ELF1: variants seen among roughly 807,000 people sequenced by gnomAD.
ELF1 encodes E74 like ETS transcription factor 1.
Under a neutral mutation model 59.9 loss-of-function variants are expected in ELF1, and 24 were observed. The observed-to-expected ratio is 0.40, with a 90% CI of 0.29 to 0.56. The LOEUF is 0.56. Ranked by LOEUF, ELF1 falls within the 20% of genes least tolerant of loss-of-function variation. ELF1 has a pLI of 0.44. For synonymous variants in ELF1, 248 were observed against 266.2 expected, an observed-to-expected ratio of 0.93 and a Z score of 0.67; for missense variants, 627 against 742.2, an observed-to-expected ratio of 0.84 and a Z score of 1.80.
At chr13:40,989,915 T>C (rs1873753665) in intron 1 of ELF1, among the ~76,000 whole-genome samples, 2 of 152,220 alleles carry the variant, frequency 1.3e-5, no homozygotes, top group South Asian at 2.1e-4. Context: ...GAGTATCCAC[T>C]GTTATTCTGG....
At chr13:40,989,379 T>C (rs1037164355) in intron 1 of ELF1, among the ~76,000 whole-genome samples, 1 of 152,206 alleles carries the variant, frequency 6.6e-6, no homozygotes. Context: ...AATGTTTCTA[T>C]ACCCCAACTG....
At chr13:40,993,205 A>G (rs972992864) in intron 1 of ELF1, 2 of 1,533,400 alleles carry the variant, frequency 1.3e-6, no homozygotes, top group Non-Finnish European at 1.8e-6. Context: ...TTCATTCCTA[A>G]CAGTGAGGCA....
chr13:40,992,284 C>T (rs542597234), intron 1 of ELF1, among the ~76,000 whole-genome samples: 1 of 152,184 alleles, frequency 6.6e-6, no homozygotes, highest in Non-Finnish European at 1.5e-5. Context: ...TTTTACACTA[C>T]GCTCCCTAAG....
intron 1 of ELF1, among the ~76,000 whole-genome samples, chr13:41,047,485 T>C (rs925369008): frequency 1.1e-4 from 16 of 152,334 alleles, no homozygotes; most frequent in Middle Eastern, 3.4e-3. Context: ...TTTGTTAGTT[T>C]TCCTTCTAAG....
rs760670612 is a variant in ELF1 at position 40,961,861 on chromosome 13, A to T, written c.73-2845T>A. 3.9e-4 allele frequency among the ~76,000 whole-genome samples: 60 copies of T among 152,254 alleles called. 1 individual carries two copies. The highest frequency in any genetic ancestry group is 1.4e-3 in the South Asian group (7 of 4,836). ...TCATCACTTCATCCACTGATAAGTC[A>T]GAGACAGGCGTGTAAAATGCAATTC... On this transcript the variant is annotated intron_variant, in intron 2 of 8. Coordinates refer to ENST00000239882, the MANE Select transcript of ELF1 (RefSeq NM_172373.4).
intron 2 of ELF1, among the ~76,000 whole-genome samples, chr13:40,980,865 A>G (rs553941078): frequency 6.6e-6 from 1 of 152,264 alleles, no homozygotes; most frequent in East Asian, 1.9e-4. Flanking sequence ...ATTTTTAATC[A>G]AGACTAAGCA....
intron 8 of ELF1, among the ~76,000 whole-genome samples, chr13:40,940,418 A>AAAAAC (rs878999576): frequency 2.8e-5 from 4 of 140,580 alleles, no homozygotes; most frequent in African/African-American, 1.1e-4. Context: ...AAAAAAAAAA[A>AAAAAC]CAAACCTACT....
At chr13:41,055,266 A>C (rs1181176491) in intron 1 of ELF1, among the ~76,000 whole-genome samples, 2 of 152,022 alleles carry the variant, frequency 1.3e-5, no homozygotes, top group African/African-American at 4.8e-5. Flanking sequence ...TACAGACCCT[A>C]ATCTATTTTC....
intron 1 of ELF1, among the ~76,000 whole-genome samples, chr13:40,989,248 G>C (rs527923654): frequency 1.3e-5 from 2 of 152,152 alleles, no homozygotes; most frequent in Non-Finnish European, 2.9e-5. Flanking sequence ...TACTTTCTCA[G>C]CTCCTGCTTT....
At chr13:41,055,198 G>A (rs1005474258) in intron 1 of ELF1, among the ~76,000 whole-genome samples, 2 of 152,048 alleles carry the variant, frequency 1.3e-5, no homozygotes, top group Non-Finnish European at 2.9e-5. Flanking sequence ...TTCTTCCTAA[G>A]TATGAGCCAT....
In ELF1 at chr13:40,933,796, T is replaced by C. The variant is rs777083535; in HGVS notation, c.1489A>G (p.Ile497Val). Reference protein sequence around the residue: ...QSQKAGSPPSIVLGPAQVQQV... With the variant: ...QSQKAGSPPSVVLGPAQVQQV... Reference sequence around the variant, plus strand: ...TGAACCTGGGCAGGGCCCAAGACAATTGAAGGAGGAGAGCCCGCCTTTTGT... The same window carrying C: ...TGAACCTGGGCAGGGCCCAAGACAACTGAAGGAGGAGAGCCCGCCTTTTGT... The change falls in exon 9 of 9, where the codon ATT becomes GTT. Residue 497 changes from isoleucine (I) to valine (V), a missense_variant. Around this residue, in one of 3 missense-constraint regions of ELF1, gnomAD observed 361 missense variants for 396.1 expected, o/e 0.91. Coordinates refer to ENST00000239882, the MANE Select transcript of ELF1 (RefSeq NM_172373.4). 63 of 1,614,134 alleles carry C rather than the reference T, an allele frequency of 3.9e-5. No homozygotes were observed. Among genetic ancestry groups the C allele is most frequent in the Admixed American group, 2.0e-4 (12 of 60,016 alleles).
intron 1 of ELF1, among the ~76,000 whole-genome samples, chr13:41,036,120 GT>G (rs1876371563): frequency 6.6e-6 from 1 of 151,928 alleles, no homozygotes; most frequent in African/African-American, 2.4e-5. Flanking sequence ...ATTTCACCGT[GT>G]TAGCCAGGAT....
chr13:41,031,080 A>G (rs373481978), intron 1 of ELF1, among the ~76,000 whole-genome samples: 1 of 151,746 alleles, frequency 6.6e-6, no homozygotes, highest in South Asian at 2.1e-4. Flanking sequence ...GGAGGATTGA[A>G]GCCAAGAGGT....
intron 1 of ELF1, among the ~76,000 whole-genome samples, chr13:41,053,274 A>C (rs749931666): frequency 2.0e-5 from 3 of 152,088 alleles, no homozygotes; most frequent in Non-Finnish European, 4.4e-5. Flanking sequence ...GAATTGCTTG[A>C]ACCCGGGAGG....
At chr13:41,036,271 T>C (rs1876378779) in intron 1 of ELF1, among the ~76,000 whole-genome samples, 1 of 152,204 alleles carries the variant, frequency 6.6e-6, no homozygotes, top group African/African-American at 2.4e-5. Context: ...CAAAAAGGAA[T>C]GTTCAAATAA....
chr13:40,966,926 G>A (rs1356818686), intron 2 of ELF1, among the ~76,000 whole-genome samples: 1 of 152,230 alleles, frequency 6.6e-6, no homozygotes, highest in Non-Finnish European at 1.5e-5. Context: ...AGTAGTTCAC[G>A]CAACATCTTT....
In ELF1 at chr13:40,932,324, ACCC is replaced by A. The variant is rs886560283; in HGVS notation, c.*1098_*1100del. The A allele has an allele frequency of 6.8e-6, 1 of 147,498 alleles. No homozygotes were observed. Among genetic ancestry groups the A allele is most frequent in the Non-Finnish European group, 1.5e-5 (1 of 66,880 alleles). The allele number at this position is 147,498 out of a possible 1,614,324, so 9.1% of individuals were successfully genotyped here. A position where few individuals can be genotyped will look rare whatever the true frequency, so the allele number is the denominator to read the frequency against. On this transcript the variant is annotated 3_prime_UTR_variant, in exon 9 of 9. Coordinates refer to ENST00000239882, the MANE Select transcript of ELF1 (RefSeq NM_172373.4). ...GATATATATGTTATCTTTGTATGCA[ACCC>A]CCCCCAAGTCCGCCCCCAGTAAAAA...
At chr13:40,948,219 T>A (rs1286460547) in intron 5 of ELF1, among the ~76,000 whole-genome samples, 1 of 152,244 alleles carries the variant, frequency 6.6e-6, no homozygotes, top group Non-Finnish European at 1.5e-5. Flanking sequence ...GATCCAGCCA[T>A]TCCACTACTA....
intron 1 of ELF1, among the ~76,000 whole-genome samples, chr13:41,047,385 T>C (rs1404274999): frequency 1.3e-5 from 2 of 152,260 alleles, no homozygotes; most frequent in African/African-American, 2.4e-5. Context: ...TTTTCTGCTC[T>C]GTTTTTTCCC....
Sources: gnomAD v4.1 joint callset for allele counts (sites outside exome capture counted in the v4.1 genomes callset) on GRCh38, gnomAD v4.1.1 for gene constraint, gnomAD v4.1.1 regional missense constraint, MANE v1.5 for transcripts, NCBI Gene and HGNC (gene_info 2026-07-23, HGNC 2026-07-21) for gene names.